The following MPDZ variants were observed in gnomAD, a reference collection of about 807,000 sequenced individuals.
MPDZ encodes the protein multiple PDZ domain protein.
In MPDZ, 234 loss-of-function variants were observed where a neutral mutation model predicts 239.1. The ratio of observed to expected loss-of-function variants is 0.98; its 90% confidence interval spans 0.88 to 1.09. MPDZ has a LOEUF of 1.09. Among genes scored for constraint, MPDZ ranks in the 50% least tolerant of loss-of-function variants. The pLI, the probability that MPDZ is intolerant of heterozygous loss-of-function variation, is 0.00. For synonymous variants in MPDZ, 1,048 were observed against 881.3 expected (o/e 1.19, Z -3.35); for missense variants, 3,175 against 2,510.0 (o/e 1.26, Z -5.66).
rs755487892 is a variant in MPDZ at position 13,198,737 on chromosome 9, C to CTCTGTGTGTGTGTGTG, written c.1547-2508_1547-2507insCACACACACACACAGA. ...ATATTTAGGTCTTTAATCTCTCTCTCTGTGTGTGTGTGTGTGTGTGTGTGT... is the reference window on the plus strand; with the variant it reads ...ATATTTAGGTCTTTAATCTCTCTCTCTCTGTGTGTGTGTGTGTGTGTGTGTGTGTGTGTGTGTGTGT... On this transcript the variant is annotated intron_variant, in intron 12 of 46. Coordinates refer to ENST00000319217, the MANE Select transcript of MPDZ (RefSeq NM_001378778.1). Among the ~76,000 whole-genome samples the CTCTGTGTGTGTGTGTG allele has an allele frequency of 9.0e-3, 626 of 69,654 alleles. 12 individuals carry two copies. Among genetic ancestry groups the CTCTGTGTGTGTGTGTG allele is most frequent in the Non-Finnish European group, 0.013 (435 of 34,430 alleles). 45.7% of individuals were successfully genotyped at this position (69,654 alleles called of 152,430 possible). A position where few individuals can be genotyped will look rare whatever the true frequency, so the allele number is the denominator to read the frequency against.
chr9:13,142,433 T>A (rs1947845563), intron 27 of MPDZ, among the ~76,000 whole-genome samples: 1 of 152,146 alleles, frequency 6.6e-6, no homozygotes, highest in Non-Finnish European at 1.5e-5. Flanking sequence ...AGATCATGTA[T>A]CTGCCTCGTT....
intron 1 of MPDZ, among the ~76,000 whole-genome samples, chr9:13,261,643 T>C (rs1193483072): frequency 6.6e-6 from 1 of 152,072 alleles, no homozygotes; most frequent in Non-Finnish European, 1.5e-5. Context: ...CTCCTACACT[T>C]GATGGGTGAA....
chr9:13,161,527 C>T (rs1231929124), intron 23 of MPDZ, among the ~76,000 whole-genome samples: 2 of 152,006 alleles, frequency 1.3e-5, no homozygotes, highest in Non-Finnish European at 2.9e-5. Context: ...GCCAAAATCG[C>T]ACCATTGCAC....
rs777982521 is a variant in MPDZ at position 13,219,636 on chromosome 9, C to A, written c.1009G>T (p.Ala337Ser). 1.2e-6 allele frequency: 2 copies of A among 1,612,442 alleles called. No individual in the cohort carries two copies. The highest frequency in any genetic ancestry group is 1.7e-6 in the Non-Finnish European group (2 of 1,179,178). ...GTGGGTGCTGTACGTTCTTCTATGG[C>A]ACCTCTTGCAATCATCAACTTAACT... ...NRVKLMIARG[A>S]IEERTAPTAL... Residue 337 changes from alanine to serine, a missense_variant, in exon 8 of 47, where the codon GCC (alanine) becomes TCC (serine). Transcript: ENST00000319217.
At chr9:13,254,114 T>TA (rs987968921) in intron 1 of MPDZ, among the ~76,000 whole-genome samples, 2 of 152,130 alleles carry the variant, frequency 1.3e-5, no homozygotes, top group African/African-American at 4.8e-5. Flanking sequence ...ATGCTCTACA[T>TA]AAAGTGAAAC....
chr9:13,121,565 T>A (rs967777091), intron 38 of MPDZ, among the ~76,000 whole-genome samples, 174 bp downstream of exon 38: 1 of 152,200 alleles, frequency 6.6e-6, no homozygotes, highest in East Asian at 1.9e-4. Flanking sequence ...AATATTCTGA[T>A]TTTAAAAGTC....
At position 13,168,363 on chromosome 9, in the gene MPDZ, T is replaced by C. The variant is rs777659055; in HGVS notation, c.3254+3A>G. The C allele has an allele frequency of 1.2e-6, 2 of 1,610,500 alleles. No individual in the cohort carries two copies. The highest frequency in any genetic ancestry group is 1.1e-5 in the South Asian group (1 of 90,278). On this transcript the variant is annotated splice_donor_region_variant and intron_variant, in intron 22 of 46. Transcript: ENST00000319217. ...GTTAAACTGGGCTTCAAATGATACT[T>C]ACTTTATGTCAGGGCCAATGAGAGA...
intron 24 of MPDZ, among the ~76,000 whole-genome samples, chr9:13,157,699 T>G (rs1170986230): frequency 6.6e-6 from 1 of 152,072 alleles, no homozygotes; most frequent in Non-Finnish European, 1.5e-5. Context: ...AAATGCTAGG[T>G]AAAATTTAAA....
At chr9:13,133,932 GA>G in intron 31 of MPDZ, 28 bp from the exon 32 acceptor site, 1 of 1,333,210 alleles carries the variant, frequency 7.5e-7, no homozygotes, top group Non-Finnish European at 1.0e-6. Context: ...ATGACAAAAA[GA>G]GCAACTGAGT....
chr9:13,216,343 G>A (rs1484580836), intron 10 of MPDZ, among the ~76,000 whole-genome samples: 30 of 146,804 alleles, frequency 2.0e-4, no homozygotes, highest in African/African-American at 7.5e-4. Context: ...GAAAGCAGCC[G>A]CGGCCATAAA....
At chr9:13,257,201 G>A (rs1969645648) in intron 1 of MPDZ, among the ~76,000 whole-genome samples, 1 of 152,150 alleles carries the variant, frequency 6.6e-6, no homozygotes, top group African/African-American at 2.4e-5. Context: ...ACAGCTCAAT[G>A]AATTCAATAT....
At chr9:13,269,986 C>G (rs537872830) in intron 1 of MPDZ, among the ~76,000 whole-genome samples, 1 of 152,294 alleles carries the variant, frequency 6.6e-6, no homozygotes, top group African/African-American at 2.4e-5. Flanking sequence ...ACAAGCTACA[C>G]TATTTAGTTA....
At chr9:13,184,264 A>G (rs1480048968) in intron 18 of MPDZ, among the ~76,000 whole-genome samples, 2 of 152,004 alleles carry the variant, frequency 1.3e-5, no homozygotes, top group Non-Finnish European at 2.9e-5. Context: ...TCACAGAATC[A>G]AGATTAATAT....
intron 3 of MPDZ, among the ~76,000 whole-genome samples, chr9:13,236,434 C>A (rs926404144): frequency 6.7e-6 from 1 of 150,128 alleles, no homozygotes; most frequent in Non-Finnish European, 1.5e-5. Context: ...AGGCATGTAC[C>A]ACCCACCTGG....
intron 24 of MPDZ, among the ~76,000 whole-genome samples, chr9:13,152,175 A>G (rs550883382): frequency 6.6e-6 from 1 of 152,264 alleles, no homozygotes; most frequent in East Asian, 1.9e-4. Context: ...CCTCTGTAGA[A>G]GGAGAAGTCA....
chr9:13,156,044 T>C (rs1949774501), intron 24 of MPDZ, among the ~76,000 whole-genome samples: 1 of 152,194 alleles, frequency 6.6e-6, no homozygotes, highest in African/African-American at 2.4e-5. Flanking sequence ...ATGATTTCTG[T>C]GTCAAAGGCT....
At chr9:13,243,679 C>A (rs1285806381) in intron 3 of MPDZ, among the ~76,000 whole-genome samples, 1 of 152,122 alleles carries the variant, frequency 6.6e-6, no homozygotes, top group Non-Finnish European at 1.5e-5. Context: ...CAACCCTGAT[C>A]CCATGTTAAC....
chr9:13,145,517 G>C (rs990504706), intron 26 of MPDZ, among the ~76,000 whole-genome samples: 1 of 152,024 alleles, frequency 6.6e-6, no homozygotes, highest in African/African-American at 2.4e-5. Context: ...ACAATTACCA[G>C]TAAGAGACTT....
rs1945118183 is a variant in MPDZ, at chr9:13,126,387, T to G, written c.4632+129A>C. On this transcript the variant is annotated intron_variant, in intron 34 of 46. Coordinates refer to ENST00000319217, the MANE Select transcript of MPDZ (RefSeq NM_001378778.1). ...GAAATTGAAGAACTTCTGAACAATC[T>G]CTTCTTTTCCTTAAGAACATGTCTA... The G allele has an allele frequency of 5.5e-6, 3 of 543,452 alleles. No homozygotes were observed. In the South Asian group the frequency reaches 1.4e-4, roughly 25 times the overall value. The allele number at this position is 543,452 out of a possible 1,614,324, so 33.7% of individuals were successfully genotyped here. A position where few individuals can be genotyped will look rare whatever the true frequency, so the allele number is the denominator to read the frequency against.
Sources: allele counts gnomAD v4.1 joint callset (sites outside exome capture counted in the v4.1 genomes callset), GRCh38; gene constraint gnomAD v4.1.1; transcripts MANE v1.5; gene names NCBI Gene and HGNC (gene_info 2026-07-23, HGNC 2026-07-21).